CIZ1: variants seen among roughly 807,000 people sequenced by gnomAD.
CIZ1 encodes cip1-interacting zinc finger protein.
CIZ1 carries 58 observed loss-of-function variants against 118.6 expected under a neutral mutation model. That is an observed-to-expected ratio of 0.49 (90% CI 0.40 to 0.61). The LOEUF (loss-of-function observed/expected upper bound fraction) is 0.61, where lower values mean the gene tolerates loss of function less well. Among genes scored for constraint, CIZ1 ranks in the 20% least tolerant of loss-of-function variants. The pLI is 0.00. For synonymous variants in CIZ1, 448 were observed against 443.4 expected, an observed-to-expected ratio of 1.01 and a Z score of -0.13; for missense variants, 921 against 1,115.9, an observed-to-expected ratio of 0.83 and a Z score of 2.49.
upstream of CIZ1, among the ~76,000 whole-genome samples, chr9:128,194,539 G>A (rs1331766968): frequency 1.3e-5 from 2 of 151,868 alleles, no homozygotes; most frequent in Non-Finnish European, 2.9e-5. Context: ...AGCCTCAGCT[G>A]GGCATGGTGG....
intron 11 of CIZ1, among the ~76,000 whole-genome samples, chr9:128,175,338 C>A (rs955427363): frequency 2.0e-5 from 3 of 152,156 alleles, no homozygotes; most frequent in South Asian, 2.1e-4. Context: ...TAGCAAAGAA[C>A]GTCTTGGTGA....
At chr9:128,170,143 G>C (rs147681064) in intron 11 of CIZ1, 36 bp from the exon 12 acceptor site, 1 of 1,569,588 alleles carries the variant, frequency 6.4e-7, no homozygotes. Context: ...ACAATGTGAC[G>C]CCAGAAAGAC....
At chr9:128,169,024 C>T in intron 14 of CIZ1, 28 bp downstream of exon 14, 1 of 1,613,254 alleles carries the variant, frequency 6.2e-7, no homozygotes, top group Non-Finnish European at 8.5e-7. Flanking sequence ...CAGCACCAAG[C>T]CCGCCTCCCA....
intron 7 of CIZ1, 135 bp downstream of exon 7, chr9:128,180,280 A>T: frequency 6.0e-6 from 4 of 663,998 alleles, no homozygotes; most frequent in Non-Finnish European, 1.1e-5. Context: ...GCCTTCCTCC[A>T]AATCAGAGGC....
chr9:128,178,232 C>A lies in CIZ1; in HGVS notation c.1620+137G>T, dbSNP rs933048462. 3.6e-6 allele frequency: 4 copies of A among 1,096,930 alleles called. No individual in the cohort carries two copies. The East Asian group carries it at 9.5e-5, about 26-fold the overall frequency. The allele number at this position is 1,096,930 out of a possible 1,614,324, so 67.9% of individuals were successfully genotyped here. A position where few individuals can be genotyped will look rare whatever the true frequency, so the allele number is the denominator to read the frequency against. On this transcript the variant is annotated intron_variant, in intron 9 of 16. Coordinates refer to ENST00000372938, the MANE Select transcript of CIZ1 (RefSeq NM_001131016.2). ...GCCCAGCCTGGTCTGGCCACCCATC[C>A]TAGGCAGAGGGCTGTCATCCCATTT...
At chr9:128,190,546 C>T in intron 2 of CIZ1, 102 bp from the exon 3 acceptor site, 1 of 1,356,466 alleles carries the variant, frequency 7.4e-7, no homozygotes, top group South Asian at 1.3e-5. Context: ...CTGTGGTAGA[C>T]AGAGGACCCC....
At position 128,180,414 on chromosome 9, in the gene CIZ1, C is replaced by G; in HGVS notation, c.791+1G>C. 1 of 1,612,446 alleles carries G rather than the reference C, an allele frequency of 6.2e-7. No individual in the cohort carries two copies. Among genetic ancestry groups the G allele is most frequent in the Non-Finnish European group, 8.5e-7 (1 of 1,178,462 alleles). On this transcript the variant is annotated splice_donor_variant, in intron 7 of 16. Coordinates refer to ENST00000372938, the MANE Select transcript of CIZ1 (RefSeq NM_001131016.2). LOFTEE classifies it high-confidence loss of function. Reference sequence around the variant, plus strand: ...CAGGTCAGGTTTTCAGCATCAGTTACCTCCTCAATCTCTTTGCTGGCAGCT... The same window carrying G: ...CAGGTCAGGTTTTCAGCATCAGTTAGCTCCTCAATCTCTTTGCTGGCAGCT...
intron 4 of CIZ1, among the ~76,000 whole-genome samples, chr9:128,186,787 T>C (rs1042335663): frequency 2.6e-4 from 40 of 152,106 alleles, no homozygotes; most frequent in African/African-American, 9.4e-4. Context: ...GAATATGCTG[T>C]TCCCTCTGCC....
intron 4 of CIZ1, among the ~76,000 whole-genome samples, chr9:128,186,230 C>T (rs1442314725): frequency 1.3e-5 from 2 of 152,186 alleles, no homozygotes; most frequent in Admixed American, 6.5e-5. Flanking sequence ...TGCCTCAGTC[C>T]CTCGGCCCAG....
At chr9:128,191,783 C>T, upstream of CIZ1, 1 of 1,427,744 alleles carries the variant, frequency 7.0e-7, no homozygotes, top group Non-Finnish European at 9.2e-7. This position sits in a 1 kb window ranked among gnomAD's most constrained non-coding sequence, Gnocchi z 5.5. Flanking sequence ...AGACCAAGGT[C>T]CGTCTGCCGC....
In CIZ1 at chr9:128,188,402, T is replaced by G. The variant is rs45543131; in HGVS notation, c.287-468A>C. On this transcript the variant is annotated intron_variant, in intron 3 of 16. Coordinates refer to ENST00000372938, the MANE Select transcript of CIZ1 (RefSeq NM_001131016.2). ...CTGGTGGTTTTCTTCAGGTGGTGAG[T>G]GAGTCAACAGATGACACTGTGGGTT... Among the ~76,000 whole-genome samples the G allele has an allele frequency of 4.8e-3, 731 of 152,240 alleles. 6 individuals carry two copies. The highest frequency in any genetic ancestry group is 4.7e-3 in the Non-Finnish European group (320 of 68,014).
chr9:128,168,331 T>C (rs1222940860), intron 14 of CIZ1, among the ~76,000 whole-genome samples: 2 of 151,940 alleles, frequency 1.3e-5, no homozygotes, highest in African/African-American at 4.8e-5. Flanking sequence ...GCCTGGCCAA[T>C]ATGGTGAAAC....
chr9:128,173,196 G>A (rs981242438), intron 11 of CIZ1, among the ~76,000 whole-genome samples: 1 of 146,234 alleles, frequency 6.8e-6, no homozygotes, highest in Non-Finnish European at 1.5e-5. Context: ...CCAGGCTGGA[G>A]TGCAGTGGCG....
intron 10 of CIZ1, 24 bp downstream of exon 10, chr9:128,177,542 C>CCCCCCAAAAT: frequency 3.3e-6 from 4 of 1,229,484 alleles, no homozygotes; most frequent in Non-Finnish European, 4.4e-6. Flanking sequence ...CACCCCTCCC[C>CCCCCCAAAAT]ACCCTTATCT....
At chr9:128,202,039 A>G (rs1833540871) in intron 1 of CIZ1, among the ~76,000 whole-genome samples, 1 of 152,210 alleles carries the variant, frequency 6.6e-6, no homozygotes, top group Non-Finnish European at 1.5e-5. Flanking sequence ...CCCTATTTGC[A>G]TATTGTCTGT....
intron 12 of CIZ1, 26 bp from the exon 13 acceptor site, chr9:128,169,545 A>G: frequency 6.2e-7 from 1 of 1,612,118 alleles, no homozygotes; most frequent in Non-Finnish European, 8.5e-7. Flanking sequence ...CCAACCAAGC[A>G]GTGTCCCCAG....
intron 14 of CIZ1, 76 bp from the exon 15 acceptor site, chr9:128,167,240 A>G: frequency 1.8e-6 from 2 of 1,103,770 alleles, no homozygotes; most frequent in Non-Finnish European, 2.6e-6. Flanking sequence ...GGGCCTAGAG[A>G]CCACCAATGC....
upstream of CIZ1, chr9:128,191,651 G>A (rs1018770501): frequency 1.8e-5 from 22 of 1,232,866 alleles, no homozygotes; most frequent in Non-Finnish European, 2.2e-5. This position sits in a 1 kb window ranked among gnomAD's most constrained non-coding sequence, Gnocchi z 5.5. Flanking sequence ...CGCGCCACCC[G>A]AGCCCGCCCA....
intron 5 of CIZ1, among the ~76,000 whole-genome samples, chr9:128,185,249 G>T (rs1832213214): frequency 6.6e-6 from 1 of 152,170 alleles, no homozygotes; most frequent in Non-Finnish European, 1.5e-5. Context: ...TTGTACTTCA[G>T]CCTGGGCAAT....
Sources: gnomAD v4.1 joint callset for allele counts (sites outside exome capture counted in the v4.1 genomes callset) on GRCh38, gnomAD v4.1.1 for gene constraint, Gnocchi (gnomAD v3.1) non-coding constraint, MANE v1.5 for transcripts, NCBI Gene and HGNC (gene_info 2026-07-23, HGNC 2026-07-21) for gene names.